The following TTYH3 variants were observed in gnomAD, a reference collection of about 807,000 sequenced individuals.
TTYH3 encodes tweety family member 3.
A neutral mutation model predicts 68.2 loss-of-function variants in TTYH3; 23 were observed. The ratio of observed to expected loss-of-function variants is 0.34; its 90% CI spans 0.24 to 0.48. The LOEUF is 0.48. Among genes scored for constraint, TTYH3 ranks in the 20% least tolerant of loss-of-function variants. The pLI is 0.99. For missense variants in TTYH3, 768 were observed against 727.7 expected, an observed-to-expected ratio of 1.06 and a Z score of -0.64; for synonymous variants, 360 against 332.8, an observed-to-expected ratio of 1.08 and a Z score of -0.89.
chr7:2,640,430 G>A lies in TTYH3; in HGVS notation c.124-6423G>A, dbSNP rs553706369. Among the ~76,000 whole-genome samples, 8 of 152,174 alleles carry A rather than the reference G, an allele frequency of 5.3e-5. No homozygotes were observed. In the South Asian group the frequency reaches 8.3e-4, roughly 16 times the overall value. On this transcript the variant is annotated intron_variant, in intron 1 of 13. Coordinates refer to ENST00000258796, the MANE Select transcript of TTYH3 (RefSeq NM_025250.3). ...GGGGGGGACGTGTGTTCCATAGGCC[G>A]GCCGTGACTTGCTGTGCACCCTCCC...
chr7:2,655,227 A>G lies in TTYH3; in HGVS notation c.1021-865A>G, dbSNP rs543321353. ...AGTGGTGTGATCTCAACTCACGGCA[A>G]ACTTCGCCTCCCGGCTGAAGCGATT... On this transcript the variant is annotated intron_variant, in intron 9 of 13. Transcript: ENST00000258796. 7.9e-5 allele frequency among the ~76,000 whole-genome samples: 12 copies of G among 152,200 alleles called. No individual in the cohort carries two copies. In the South Asian group the frequency reaches 1.5e-3, roughly 18 times the overall value.
chr7:2,640,554 C>T (rs1259172774), intron 1 of TTYH3, among the ~76,000 whole-genome samples: 2 of 152,246 alleles, frequency 1.3e-5, no homozygotes, highest in African/African-American at 2.4e-5. Flanking sequence ...GTGCAGGTGG[C>T]AGGCAGTGTG....
chr7:2,658,795 T>C (rs1786409598), intron 12 of TTYH3, 145 bp from the exon 13 acceptor site: 4 of 825,220 alleles, frequency 4.8e-6, no homozygotes, highest in South Asian at 3.2e-5. Flanking sequence ...TCTGAGCCCT[T>C]TGTTACTGTG....
At chr7:2,658,514 C>A in intron 12 of TTYH3, 55 bp downstream of exon 12, 1 of 1,553,340 alleles carries the variant, frequency 6.4e-7, no homozygotes, top group Non-Finnish European at 8.8e-7. Context: ...CGGCTGAGAG[C>A]GCGGATCTGG....
intron 1 of TTYH3, among the ~76,000 whole-genome samples, chr7:2,634,082 CT>C (rs1785594743): frequency 6.6e-6 from 1 of 152,206 alleles, no homozygotes; most frequent in Non-Finnish European, 1.5e-5. Flanking sequence ...GACTCACTCT[CT>C]CTCCTGCCTC....
intron 1 of TTYH3, among the ~76,000 whole-genome samples, chr7:2,644,928 C>T (rs1583562373): frequency 6.6e-6 from 1 of 152,362 alleles, no homozygotes; most frequent in Middle Eastern, 3.4e-3. Context: ...GTGGCTGAGC[C>T]TCTCATCCCA....
intron 1 of TTYH3, among the ~76,000 whole-genome samples, chr7:2,638,614 C>T (rs780215088): frequency 1.6e-4 from 24 of 152,296 alleles, no homozygotes; most frequent in Non-Finnish European, 2.6e-4. Context: ...AAGTTGGCCC[C>T]GACCCCGGCT....
intron 1 of TTYH3, 139 bp downstream of exon 1, chr7:2,632,417 C>A: frequency 1.1e-6 from 1 of 878,724 alleles, no homozygotes; most frequent in Non-Finnish European, 1.6e-6. Context: ...CTCCTCCTCG[C>A]AGGTACCGGC....
chr7:2,632,040 C>A lies in TTYH3; in HGVS notation c.-116C>A, dbSNP rs941828583. ...AGCCGGGCCGGGCCGGGCCCAGGAG[C>A]GCGCGGATGATGCGGGCGGCCAGGC... On this transcript the variant is annotated 5_prime_UTR_variant, in exon 1 of 14. Transcript: ENST00000258796. The A allele has an allele frequency of 2.1e-6, 2 of 957,658 alleles. No homozygotes were observed. The highest frequency in any genetic ancestry group is 5.0e-5 in the South Asian group (1 of 19,954). The allele number at this position is 957,658 out of a possible 1,614,324, so 59.3% of individuals were successfully genotyped here.
At chr7:2,653,847 A>G (rs1440999872) in intron 9 of TTYH3, among the ~76,000 whole-genome samples, 1 of 152,272 alleles carries the variant, frequency 6.6e-6, no homozygotes, top group Admixed American at 6.5e-5. Context: ...TGGGCAACAG[A>G]GCGAGACTCC....
chr7:2,639,171 G>A (rs952669267), intron 1 of TTYH3, among the ~76,000 whole-genome samples: 4 of 152,262 alleles, frequency 2.6e-5, no homozygotes, highest in African/African-American at 7.2e-5. Context: ...TTCAGCATCC[G>A]TGGAGGCAGG....
chr7:2,648,073 G>GC lies in TTYH3; in HGVS notation c.722+25dup, dbSNP rs762557557. 5.6e-6 allele frequency: 9 copies of GC among 1,599,780 alleles called. No homozygotes were observed. The highest frequency in any genetic ancestry group is 1.1e-5 in the South Asian group (1 of 90,780). The stretch of plus-strand genomic sequence containing the variant: ...TGGTGGGGTGAGTCTGGGGGTGTCG[G>GC]CCCCCCGTGGGCCCAAAGCGGAGGG... On this transcript the variant is annotated intron_variant, in intron 5 of 13. Coordinates refer to ENST00000258796, the MANE Select transcript of TTYH3 (RefSeq NM_025250.3).
At position 2,647,628 on chromosome 7, in the gene TTYH3, G is replaced by C. The variant is rs779146036; in HGVS notation, c.616G>C (p.Asp206His). 3.8e-6 allele frequency: 6 copies of C among 1,569,156 alleles called. No individual in the cohort carries two copies. Among genetic ancestry groups the C allele is most frequent in the Non-Finnish European group, 3.5e-6 (4 of 1,157,766 alleles). ...GCTGGCGGAGCAGGTGGATCTCTAC[G>C]ACTGGTACAGGTGCGGCCAGGCCCT... The part of the protein sequence containing the change: ...EVLAEQVDLY[D>H]WYRWLGYLGL... The change falls in exon 4 of 14, where the codon GAC (aspartate) becomes CAC (histidine). Residue 206 changes from aspartate (D) to histidine (H), a missense_variant. Coordinates refer to ENST00000258796, the MANE Select transcript of TTYH3 (RefSeq NM_025250.3).
intron 13 of TTYH3, among the ~76,000 whole-genome samples, chr7:2,659,604 C>T (rs1403632159): frequency 2.0e-5 from 3 of 152,118 alleles, no homozygotes; most frequent in East Asian, 3.9e-4. Flanking sequence ...GACAGGGTGC[C>T]GAAGAGAAGG....
At position 2,660,282 on chromosome 7, in the gene TTYH3, G is replaced by C. The variant is rs374724005; in HGVS notation, c.1500+1267G>C. ...CCAGGCTCCCCCTGCCCAGTTGCTT[G>C]GCCTCTGGGGACTCTGCCACAGCTC... On this transcript the variant is annotated intron_variant, in intron 13 of 13. Transcript: ENST00000258796. 89 of 985,350 alleles carry C rather than the reference G, an allele frequency of 9.0e-5. No homozygotes were observed. In the East Asian group the frequency reaches 3.1e-3, roughly 34 times the overall value. The allele number at this position is 985,350 out of a possible 1,614,324, so 61.0% of individuals were successfully genotyped here.
chr7:2,661,124 C>A (rs889126600), intron 13 of TTYH3, among the ~76,000 whole-genome samples: 2 of 152,232 alleles, frequency 1.3e-5, no homozygotes, highest in South Asian at 4.1e-4. Flanking sequence ...AGGGGCCCTC[C>A]TTCCATGGCG....
intron 11 of TTYH3, 70 bp from the exon 12 acceptor site, chr7:2,658,216 A>ACCC (rs1786388978): frequency 7.1e-7 from 1 of 1,410,972 alleles, no homozygotes; most frequent in African/African-American, 1.4e-5. Flanking sequence ...ACCAGAACTG[A>ACCC]CCCCCATGGG....
Position 2,646,874 on chromosome 7 carries a change from G to A in TTYH3, c.145G>A (p.Ala49Thr), listed in dbSNP as rs758968965. 6 of 1,596,420 alleles carry A rather than the reference G, an allele frequency of 3.8e-6. No individual in the cohort carries two copies. Among genetic ancestry groups the A allele is most frequent in the South Asian group, 3.3e-5 (3 of 90,558 alleles). The change falls in exon 2 of 14, where the codon GCC becomes ACC. Residue 49 changes from alanine to threonine, a missense_variant. Transcript: ENST00000258796. ...TCAGGCCCTGCTGCTCCTGGGGGCC[G>A]CCGCCCTGGCCTGCCTCGCCCTGGA... is the stretch of plus-strand genomic sequence containing the variant. Reference protein sequence around the residue: ...YQQALLLLGAAALACLALDLL... With the variant: ...YQQALLLLGATALACLALDLL...
intron 9 of TTYH3, among the ~76,000 whole-genome samples, chr7:2,653,883 AAAAT>A (rs1786260506): frequency 6.6e-6 from 1 of 151,984 alleles, no homozygotes; most frequent in African/African-American, 2.4e-5. Flanking sequence ...ATAAAAATAA[AAAAT>A]AAATACGTTG....
Sources: gnomAD v4.1 joint callset for allele counts (sites outside exome capture counted in the v4.1 genomes callset) on GRCh38, gnomAD v4.1.1 for gene constraint, MANE v1.5 for transcripts, NCBI Gene and HGNC (gene_info 2026-07-23, HGNC 2026-07-21) for gene names.